Variants in CLEC16A observed in about 807,000 individuals in gnomAD.
CLEC16A encodes protein CLEC16A.
In CLEC16A, 51 loss-of-function variants were observed where a neutral mutation model predicts 109.5. That is an observed-to-expected ratio of 0.47 (90% CI 0.37 to 0.59). The LOEUF is 0.59. Ranked by LOEUF, CLEC16A falls within the 20% of genes least tolerant of loss-of-function variation. CLEC16A has a pLI of 0.00. For missense variants in CLEC16A, 1,339 were observed against 1,394.0 expected (o/e 0.96, Z 0.63); for synonymous variants, 673 against 564.2 (o/e 1.19, Z -2.73).
At chr16:11,126,208 C>A (rs1375298239) in intron 22 of CLEC16A, 62 bp downstream of exon 22, 1 of 1,603,786 alleles carries the variant, frequency 6.2e-7, no homozygotes. Context: ...CAAGGTCTTT[C>A]TCTCTGTGGA....
chr16:10,957,931 C>T (rs781688522), intron 2 of CLEC16A, 21 bp downstream of exon 2: 1 of 1,608,644 alleles, frequency 6.2e-7, no homozygotes, highest in Admixed American at 1.7e-5. Flanking sequence ...CTAATGATTG[C>T]TGTTCTTTGA....
intron 16 of CLEC16A, among the ~76,000 whole-genome samples, chr16:11,044,683 C>A (rs1329482984): frequency 6.6e-6 from 1 of 152,134 alleles, no homozygotes; most frequent in Non-Finnish European, 1.5e-5. Context: ...GTAATCCCAG[C>A]ACTTTGGGAG....
chr16:11,024,781 G>A (rs775780081), intron 12 of CLEC16A, 40 bp from the exon 13 acceptor site: 6 of 1,486,348 alleles, frequency 4.0e-6, no homozygotes, highest in East Asian at 2.4e-5. Flanking sequence ...GTTCACCCTT[G>A]TGCACCGTGA....
At chr16:10,985,244 A>G (rs1037337178) in intron 10 of CLEC16A, among the ~76,000 whole-genome samples, 12 of 144,414 alleles carry the variant, frequency 8.3e-5, no homozygotes, top group East Asian at 3.9e-4. Flanking sequence ...TATAGTGCCC[A>G]TCAAGTGCCT....
intron 19 of CLEC16A, among the ~76,000 whole-genome samples, chr16:11,091,499 C>T (rs1745433541): frequency 6.6e-6 from 1 of 152,148 alleles, no homozygotes; most frequent in South Asian, 2.1e-4. Flanking sequence ...TCTCAGGCCT[C>T]CCCCACCTCT....
At chr16:11,112,531 A>T (rs2051668525) in intron 19 of CLEC16A, among the ~76,000 whole-genome samples, 1 of 150,066 alleles carries the variant, frequency 6.7e-6, no homozygotes, top group Non-Finnish European at 1.5e-5. Flanking sequence ...CCCAGGAATG[A>T]TGGCACACCT....
At chr16:10,968,000 C>T (rs2146272619) in intron 3 of CLEC16A, among the ~76,000 whole-genome samples, 1 of 152,374 alleles carries the variant, frequency 6.6e-6, no homozygotes, top group South Asian at 2.1e-4. Context: ...TGCTGTGCTC[C>T]CCATCTGAGG....
rs1257708956 is a variant in CLEC16A at position 11,039,821 on chromosome 16, C to T, written c.1605C>T (p.Tyr535=). 15 of 1,612,078 alleles carry T rather than the reference C, an allele frequency of 9.3e-6. No homozygotes were observed. The highest frequency in any genetic ancestry group is 1.2e-5 in the Non-Finnish European group (14 of 1,179,148). The change falls in exon 14 of 24, where the codon TAC becomes TAT. Residue 535 remains tyrosine, a synonymous_variant. Transcript: ENST00000409790. ...PVPNAAEKTT[Y]NHPLAERLIR... is the part of the protein sequence containing the mutation. Reference sequence around the variant, plus strand: ...CAAATGCGGCCGAGAAGACCACCTACAACCACCCGCTAGCTGAAAGACTCA... The same window carrying T: ...CAAATGCGGCCGAGAAGACCACCTATAACCACCCGCTAGCTGAAAGACTCA...
chr16:10,952,900 G>A (rs958754178), intron 1 of CLEC16A, among the ~76,000 whole-genome samples: 1 of 152,244 alleles, frequency 6.6e-6, no homozygotes, highest in African/African-American at 2.4e-5. Flanking sequence ...TGTCAAGTGA[G>A]CATGGAAACA....
intron 19 of CLEC16A, among the ~76,000 whole-genome samples, chr16:11,108,940 C>G (rs1313384284): frequency 1.3e-5 from 2 of 151,886 alleles, no homozygotes; most frequent in Non-Finnish European, 2.9e-5. Flanking sequence ...GAAACCCCAT[C>G]TCTACTAAAA....
intron 13 of CLEC16A, among the ~76,000 whole-genome samples, chr16:11,025,585 T>C (rs1382446292): frequency 6.6e-6 from 1 of 152,192 alleles, no homozygotes; most frequent in Non-Finnish European, 1.5e-5. Context: ...AAAGAAGAAT[T>C]CAGGAATATT....
chr16:11,021,681 C>T (rs1477887574), intron 12 of CLEC16A, among the ~76,000 whole-genome samples: 1 of 152,074 alleles, frequency 6.6e-6, no homozygotes, highest in Non-Finnish European at 1.5e-5. Flanking sequence ...GCCTGTAGTC[C>T]CGGCTACTTG....
intron 19 of CLEC16A, among the ~76,000 whole-genome samples, chr16:11,077,111 G>T (rs2049418583): frequency 6.6e-6 from 1 of 152,210 alleles, no homozygotes; most frequent in African/African-American, 2.4e-5. Flanking sequence ...TTGGGAGGCT[G>T]AGGCGGGAGG....
chr16:11,148,639 C>T (rs1213391444), intron 22 of CLEC16A, among the ~76,000 whole-genome samples: 1 of 152,188 alleles, frequency 6.6e-6, no homozygotes, highest in East Asian at 1.9e-4. Context: ...CAAAGCCCAC[C>T]ATCTTAGCTT....
intron 1 of CLEC16A, among the ~76,000 whole-genome samples, chr16:10,956,838 C>T (rs1213814719): frequency 1.3e-5 from 2 of 152,112 alleles, no homozygotes; most frequent in Non-Finnish European, 2.9e-5. Context: ...GCTCTGTCAC[C>T]CAGGCTGGAG....
At chr16:11,171,809 C>T (rs2068522726) in intron 23 of CLEC16A, among the ~76,000 whole-genome samples, 1 of 152,222 alleles carries the variant, frequency 6.6e-6, no homozygotes, top group South Asian at 2.1e-4. Flanking sequence ...CATGTTCATA[C>T]AGCCACACAT....
At chr16:11,165,478 T>A (rs1436134530) in intron 22 of CLEC16A, among the ~76,000 whole-genome samples, 1 of 151,858 alleles carries the variant, frequency 6.6e-6, no homozygotes, top group Non-Finnish European at 1.5e-5. Flanking sequence ...GGCAACAGAG[T>A]GAAACCCTAT....
chr16:11,019,463 C>T (rs1243011580), intron 11 of CLEC16A, among the ~76,000 whole-genome samples: 1 of 152,220 alleles, frequency 6.6e-6, no homozygotes, highest in African/African-American at 2.4e-5. Flanking sequence ...TCAGAGCTTT[C>T]TATTAAAAAT....
intron 6 of CLEC16A, 56 bp downstream of exon 6, chr16:10,972,615 C>A: frequency 2.7e-6 from 4 of 1,503,588 alleles, no homozygotes; most frequent in Non-Finnish European, 3.7e-6. Flanking sequence ...TATGTAAATA[C>A]CTTGCTTGAG....
Sources: gnomAD v4.1 joint callset for allele counts (sites outside exome capture counted in the v4.1 genomes callset) on GRCh38, gnomAD v4.1.1 for gene constraint, MANE v1.5 for transcripts, NCBI Gene and HGNC (gene_info 2026-07-23, HGNC 2026-07-21) for gene names.